AGBL4: variants seen among roughly 807,000 people sequenced by gnomAD.
The protein encoded by AGBL4 is cytosolic carboxypeptidase 6.
Under a neutral mutation model 66.4 loss-of-function variants are expected in AGBL4, and 58 were observed. The ratio of observed to expected loss-of-function variants is 0.87; its 90% CI spans 0.71 to 1.09. The LOEUF (loss-of-function observed/expected upper bound fraction) is 1.09. Ranked by LOEUF, AGBL4 falls within the 50% of genes least tolerant of loss-of-function variation. The probability of loss-of-function intolerance (pLI) is 0.00; values close to 1 mark genes in which losing one functional copy is unlikely to be tolerated. For synonymous variants in AGBL4, 234 were observed against 222.9 expected (o/e 1.05, Z -0.44); for missense variants, 579 against 631.0 (o/e 0.92, Z 0.88).
chr1:49,100,509 G>A (rs745459248), intron 4 of AGBL4, among the ~76,000 whole-genome samples: 2 of 152,162 alleles, frequency 1.3e-5, no homozygotes, highest in Non-Finnish European at 2.9e-5. Context: ...CACCAAATCC[G>A]GACTGGCAAT....
chr1:49,537,175 C>A (rs1651663405), intron 3 of AGBL4, among the ~76,000 whole-genome samples: 1 of 152,074 alleles, frequency 6.6e-6, no homozygotes, highest in African/African-American at 2.4e-5. Context: ...AATGTAAGAC[C>A]TGAGTCTATA....
At chr1:49,973,656 T>C (rs1242522490) in intron 1 of AGBL4, among the ~76,000 whole-genome samples, 1 of 148,462 alleles carries the variant, frequency 6.7e-6, no homozygotes, top group Non-Finnish European at 1.5e-5. Flanking sequence ...AATAATTATA[T>C]GGTATATGAA....
At chr1:49,059,231 G>T (rs1376230185) in intron 4 of AGBL4, among the ~76,000 whole-genome samples, 2 of 152,212 alleles carry the variant, frequency 1.3e-5, no homozygotes, top group Non-Finnish European at 2.9e-5. Context: ...TTGGGACATG[G>T]TGTCCTGCTC....
At chr1:48,883,364 A>G (rs753692840) in intron 5 of AGBL4, among the ~76,000 whole-genome samples, 2 of 152,078 alleles carry the variant, frequency 1.3e-5, no homozygotes, top group African/African-American at 2.4e-5. Flanking sequence ...TTACATGTTG[A>G]TCCCTTTGCC....
intron 3 of AGBL4, among the ~76,000 whole-genome samples, chr1:49,302,608 T>TTTTTATTTATTTTATTTTATTTTA (rs1644770448): frequency 1.8e-5 from 2 of 110,126 alleles, no homozygotes; most frequent in South Asian, 5.8e-4. Flanking sequence ...TTATTTTATT[T>TTTTTATTTATTTTATTTTATTTTA]TTTTATTTTA....
intron 3 of AGBL4, among the ~76,000 whole-genome samples, chr1:49,368,188 T>C (rs1644276242): frequency 6.6e-6 from 1 of 152,178 alleles, no homozygotes; most frequent in Non-Finnish European, 1.5e-5. Flanking sequence ...GTTTCCACCC[T>C]TTGTCTATTG....
intron 2 of AGBL4, among the ~76,000 whole-genome samples, chr1:49,794,022 A>T (rs146311606): frequency 2.0e-3 from 298 of 152,080 alleles, no homozygotes; most frequent in African/African-American, 6.7e-3. Context: ...CCACATGATG[A>T]TCACTGATGA....
intron 1 of AGBL4, among the ~76,000 whole-genome samples, chr1:49,882,069 G>A (rs950766281): frequency 6.6e-6 from 1 of 152,064 alleles, no homozygotes; most frequent in African/African-American, 2.4e-5. Flanking sequence ...TTCATATAAG[G>A]TGTAAGGAAG....
chr1:49,286,991 C>T (rs1276374458), intron 3 of AGBL4, among the ~76,000 whole-genome samples: 1 of 152,020 alleles, frequency 6.6e-6, no homozygotes, highest in Non-Finnish European at 1.5e-5. Flanking sequence ...ACCAAAACAG[C>T]ACGGTACTGG....
rs534962270 is a variant in AGBL4, at chr1:48,760,993, C to T, written c.635-97752G>A. 7.0e-5 allele frequency: 13 copies of T among 185,432 alleles called. No individual in the cohort carries two copies. The East Asian group carries it at 1.7e-3, about 24-fold the overall frequency. 11.5% of individuals were successfully genotyped at this position (185,432 alleles called of 1,614,324 possible). On this transcript the variant is annotated intron_variant, in intron 6 of 13. Coordinates refer to ENST00000371839, the MANE Select transcript of AGBL4 (RefSeq NM_032785.4). The stretch of plus-strand genomic sequence containing the variant: ...ACAGTGACTGGCCCTAAACTTCTCC[C>T]CAAGAACATCTGTTTAACGTTCTTG...
intron 5 of AGBL4, among the ~76,000 whole-genome samples, chr1:48,965,454 C>T (rs142578230): frequency 2.3e-4 from 35 of 152,184 alleles, no homozygotes; most frequent in East Asian, 3.9e-4. Context: ...ATTTGAATAA[C>T]GGTGATTTGT....
At chr1:49,423,982 T>G (rs150192354) in intron 3 of AGBL4, among the ~76,000 whole-genome samples, 2 of 152,158 alleles carry the variant, frequency 1.3e-5, no homozygotes, top group East Asian at 3.9e-4. Context: ...CTAGTACTGG[T>G]TAGTGCTAAT....
chr1:48,673,473 C>T (rs946802551), intron 6 of AGBL4, among the ~76,000 whole-genome samples: 1 of 152,200 alleles, frequency 6.6e-6, no homozygotes, highest in African/African-American at 2.4e-5. Context: ...TATAAAAATA[C>T]CACTTTCAAT....
Position 49,622,628 on chromosome 1 carries a change from CAAAAAAAAAAAAAAAAA to C in AGBL4, c.282+74668_282+74684del, listed in dbSNP as rs71059557. Among the ~76,000 whole-genome samples the C allele has an allele frequency of 3.4e-4, 22 of 65,492 alleles. 1 individual carries two copies. The highest frequency in any genetic ancestry group is 1.1e-3 in the African/African-American group (18 of 16,248). The allele number at this position is 65,492 out of a possible 152,430, so 43.0% of individuals were successfully genotyped here. Reference sequence around the variant, plus strand: ...TGGGCGACAGAGCGAGACTCCGTCTCAAAAAAAAAAAAAAAAAAAAAAAAAAGAAAAATGGGAATAAT... The same window carrying C: ...TGGGCGACAGAGCGAGACTCCGTCTCAAAAAAAAAGAAAAATGGGAATAAT... On this transcript the variant is annotated intron_variant, in intron 3 of 13. Coordinates refer to ENST00000371839, the MANE Select transcript of AGBL4 (RefSeq NM_032785.4).
At chr1:48,650,195 G>A (rs1359348249) in intron 8 of AGBL4, among the ~76,000 whole-genome samples, 1 of 152,220 alleles carries the variant, frequency 6.6e-6, no homozygotes, top group Non-Finnish European at 1.5e-5. Flanking sequence ...CTGCAGAGAG[G>A]AGCAGGGCTA....
intron 3 of AGBL4, among the ~76,000 whole-genome samples, chr1:49,305,352 A>G (rs1644829988): frequency 6.6e-6 from 1 of 152,188 alleles, no homozygotes; most frequent in Non-Finnish European, 1.5e-5. Context: ...CTGCCTGCAG[A>G]TACCAAAATC....
At chr1:49,656,625 G>A (rs1037391878) in intron 3 of AGBL4, among the ~76,000 whole-genome samples, 5 of 152,084 alleles carry the variant, frequency 3.3e-5, no homozygotes, top group South Asian at 2.1e-4. Flanking sequence ...CTGGCAAACC[G>A]AATCCAGCAG....
intron 1 of AGBL4, among the ~76,000 whole-genome samples, chr1:49,935,263 C>T (rs572150486): frequency 3.7e-4 from 57 of 152,326 alleles, no homozygotes; most frequent in East Asian, 9.7e-4. Flanking sequence ...AACTGCAAGG[C>T]GGCAGCAAGG....
At chr1:50,000,690 T>C (rs940673752) in intron 1 of AGBL4, among the ~76,000 whole-genome samples, 2 of 152,078 alleles carry the variant, frequency 1.3e-5, no homozygotes, top group African/African-American at 2.4e-5. Flanking sequence ...ATCACTCAAG[T>C]ACATAAAGAA....
Sources: gnomAD v4.1 joint callset for allele counts (sites outside exome capture counted in the v4.1 genomes callset) on GRCh38, gnomAD v4.1.1 for gene constraint, MANE v1.5 for transcripts, NCBI Gene and HGNC (gene_info 2026-07-23, HGNC 2026-07-21) for gene names.